GLCE: variants seen among roughly 807,000 people sequenced by gnomAD.
The protein encoded by GLCE is D-glucuronyl C5-epimerase.
A neutral mutation model predicts 47.9 loss-of-function variants in GLCE; 19 were observed. The observed-to-expected ratio is 0.40, with a 90% CI of 0.28 to 0.58. GLCE has a LOEUF of 0.58. Among genes scored for constraint, GLCE ranks in the 20% least tolerant of loss-of-function variants. The pLI, the probability that GLCE is intolerant of heterozygous loss-of-function variation, is 0.48. For synonymous variants in GLCE, 245 were observed against 263.4 expected (o/e 0.93, Z 0.68); for missense variants, 556 against 743.3 (o/e 0.75, Z 2.93).
intron 3 of GLCE, among the ~76,000 whole-genome samples, chr15:69,259,490 C>A (rs567581020): frequency 6.6e-6 from 1 of 152,206 alleles, no homozygotes; most frequent in Admixed American, 6.5e-5. Flanking sequence ...TTACGTTTAA[C>A]TTTTTTAGTT....
chr15:69,235,219 T>C (rs1301178024), intron 2 of GLCE, among the ~76,000 whole-genome samples: 1 of 146,120 alleles, frequency 6.8e-6, no homozygotes, highest in African/African-American at 2.5e-5. Context: ...GCGATTCTCC[T>C]GCCTCAGCCT....
intron 1 of GLCE, among the ~76,000 whole-genome samples, chr15:69,174,521 A>G (rs1303179096): frequency 6.6e-6 from 1 of 152,186 alleles, no homozygotes; most frequent in East Asian, 1.9e-4. Flanking sequence ...GAAGCAGCAG[A>G]ATCACTTGAG....
chr15:69,172,426 T>C (rs1379519615), intron 1 of GLCE, among the ~76,000 whole-genome samples: 1 of 152,206 alleles, frequency 6.6e-6, no homozygotes, highest in Non-Finnish European at 1.5e-5. Flanking sequence ...ATAGTAGATA[T>C]ATCAGAAGAT....
intron 2 of GLCE, among the ~76,000 whole-genome samples, chr15:69,236,448 G>A (rs570279227): frequency 5.8e-4 from 88 of 152,222 alleles, no homozygotes; most frequent in Non-Finnish European, 9.1e-4. Flanking sequence ...AAAAAAATTA[G>A]CATGTAGTAG....
chr15:69,246,025 G>A (rs772556194), intron 2 of GLCE, among the ~76,000 whole-genome samples: 2 of 152,086 alleles, frequency 1.3e-5, no homozygotes, highest in Non-Finnish European at 2.9e-5. Context: ...CACCGCGCCC[G>A]GCCAGTCGTT....
intron 1 of GLCE, among the ~76,000 whole-genome samples, chr15:69,202,145 C>T (rs970209522): frequency 1.3e-5 from 2 of 151,966 alleles, no homozygotes; most frequent in Non-Finnish European, 2.9e-5. Context: ...GTCTTGAGCT[C>T]CTGGGCTCAA....
chr15:69,254,293 C>A (rs1473015818), intron 2 of GLCE, among the ~76,000 whole-genome samples: 1 of 152,124 alleles, frequency 6.6e-6, no homozygotes, highest in African/African-American at 2.4e-5. Context: ...ATCATCCCAG[C>A]AAAAAGTAAC....
intron 1 of GLCE, among the ~76,000 whole-genome samples, chr15:69,185,231 T>C (rs1595742433): frequency 1.3e-5 from 2 of 152,232 alleles, no homozygotes; most frequent in Middle Eastern, 3.2e-3. Flanking sequence ...AGAGCAATTA[T>C]TAAGCATTCC....
intron 1 of GLCE, among the ~76,000 whole-genome samples, chr15:69,198,401 A>T (rs145333225): frequency 1.4e-3 from 217 of 152,294 alleles, no homozygotes; most frequent in African/African-American, 5.1e-3. Context: ...GGAACAGCAT[A>T]GGTGCTGGGT....
chr15:69,197,131 G>A lies in GLCE; in HGVS notation c.-104-13185G>A, dbSNP rs116038961. The A allele has an allele frequency of 4.4e-3, 1,636 of 373,796 alleles. 16 individuals carry two copies. The highest frequency in any genetic ancestry group is 0.031 in the African/African-American group (1,476 of 48,048). 23.2% of individuals were successfully genotyped at this position (373,796 alleles called of 1,614,324 possible). A position where few individuals can be genotyped will look rare whatever the true frequency, so the allele number is the denominator to read the frequency against. On this transcript the variant is annotated intron_variant, in intron 1 of 4. Coordinates refer to ENST00000261858, the MANE Select transcript of GLCE (RefSeq NM_015554.3). ...TGCAGCCAGCATTGATCAACATAAA[G>A]GGCCCAGTCCTTCGGCACAACAATG...
chr15:69,191,727 T>C (rs948700486), intron 1 of GLCE, among the ~76,000 whole-genome samples: 1 of 152,082 alleles, frequency 6.6e-6, no homozygotes, highest in African/African-American at 2.4e-5. Context: ...AAACACCCTT[T>C]TTAGTTAGGG....
chr15:69,161,532 C>G (rs1427748175), intron 1 of GLCE, among the ~76,000 whole-genome samples: 1 of 151,978 alleles, frequency 6.6e-6, no homozygotes, highest in Non-Finnish European at 1.5e-5. Flanking sequence ...CGGGCAGTCT[C>G]TCGGGGTGGG....
intron 1 of GLCE, among the ~76,000 whole-genome samples, chr15:69,165,032 CTCTT>C (rs2140322185): frequency 6.6e-6 from 1 of 152,178 alleles, no homozygotes; most frequent in East Asian, 1.9e-4. Context: ...TCTTTTCTTT[CTCTT>C]TCTTTCTTAG....
chr15:69,231,515 T>C (rs553494865), intron 2 of GLCE, among the ~76,000 whole-genome samples: 10 of 151,932 alleles, frequency 6.6e-5, no homozygotes, highest in Non-Finnish European at 1.3e-4. Flanking sequence ...GATTTCCTGA[T>C]CTCGTGATCC....
rs1220086966 is a variant in GLCE, at chr15:69,268,389, A to G, written c.999A>G (p.Lys333=). ...YVSNAQLIAF[K]ERDIYYGIGP... ...CAAATGCTCAGCTAATTGCTTTTAA[A>G]GAAAGAGATATATACTATGGCATTG... The change falls in exon 5 of 5, where the codon AAA becomes AAG. Residue 333 remains lysine (K), a synonymous_variant. Coordinates refer to ENST00000261858, the MANE Select transcript of GLCE (RefSeq NM_015554.3). The G allele has an allele frequency of 1.2e-6, 2 of 1,614,180 alleles. No individual in the cohort carries two copies. The highest frequency in any genetic ancestry group is 1.7e-6 in the Non-Finnish European group (2 of 1,180,002).
chr15:69,190,413 T>C (rs1486884421), intron 1 of GLCE, among the ~76,000 whole-genome samples: 1 of 152,152 alleles, frequency 6.6e-6, no homozygotes, highest in Non-Finnish European at 1.5e-5. Context: ...TAATTGTGGA[T>C]TTGTCTGTTT....
chr15:69,203,630 T>C (rs1367562883), intron 1 of GLCE, among the ~76,000 whole-genome samples: 1 of 152,158 alleles, frequency 6.6e-6, no homozygotes, highest in Non-Finnish European at 1.5e-5. Context: ...CATCAGTTTT[T>C]CCAAATGTGT....
At chr15:69,244,757 T>A (rs938276663) in intron 2 of GLCE, among the ~76,000 whole-genome samples, 8 of 152,246 alleles carry the variant, frequency 5.3e-5, no homozygotes, top group African/African-American at 1.9e-4. Flanking sequence ...AAAATTTTTT[T>A]ATCAGATTTA....
intron 1 of GLCE, among the ~76,000 whole-genome samples, chr15:69,193,440 T>G (rs2051942458): frequency 6.6e-6 from 1 of 152,128 alleles, no homozygotes; most frequent in African/African-American, 2.4e-5. Context: ...TGTTTCCCTT[T>G]TCTGAAGCAA....
Sources: allele counts gnomAD v4.1 joint callset (sites outside exome capture counted in the v4.1 genomes callset), GRCh38; gene constraint gnomAD v4.1.1; transcripts MANE v1.5; gene names NCBI Gene and HGNC (gene_info 2026-07-23, HGNC 2026-07-21).